The following SIGLEC10 variants were observed in gnomAD, a reference collection of about 807,000 sequenced individuals.
SIGLEC10 encodes the protein sialic acid-binding Ig-like lectin 10.
SIGLEC10 carries 45 observed loss-of-function variants against 68.3 expected under a neutral mutation model. The ratio of observed to expected loss-of-function variants is 0.66; its 90% confidence interval spans 0.52 to 0.84. The LOEUF is 0.84. Among genes scored for constraint, SIGLEC10 ranks in the 40% least tolerant of loss-of-function variants. The pLI, the probability that SIGLEC10 is intolerant of heterozygous loss-of-function variation, is 0.00. For missense variants in SIGLEC10, 789 were observed against 883.1 expected, an observed-to-expected ratio of 0.89 and a Z score of 1.35; for synonymous variants, 379 against 370.8, an observed-to-expected ratio of 1.02 and a Z score of -0.26.
At chr19:51,411,756 A>G in intron 10 of SIGLEC10, among the ~76,000 whole-genome samples, 1 of 150,760 alleles carries the variant, frequency 6.6e-6, no homozygotes, top group South Asian at 2.1e-4. Context: ...TGAGGCAGGA[A>G]AATCACTTGA....
At position 51,415,380 on chromosome 19, in the gene SIGLEC10, G is replaced by A. The variant is rs762283590; in HGVS notation, c.1131C>T (p.Cys377=). Residue 377 remains cysteine (C), a synonymous_variant, in exon 7 of 11, where the codon TGC becomes TGT. Coordinates refer to ENST00000339313, the MANE Select transcript of SIGLEC10 (RefSeq NM_033130.5). ...GGCTGCTGTGTGTGACACAGACCAG[G>A]CACAGGCTTTGGCCCTCCAGTACTG... is the stretch of plus-strand genomic sequence containing the variant. ...SLPVLEGQSL[C]LVCVTHSSPP... 3 of 1,611,564 alleles carry A rather than the reference G, an allele frequency of 1.9e-6. No homozygotes were observed. The highest frequency in any genetic ancestry group is 3.3e-5 in the Admixed American group (2 of 59,772).
At position 51,411,361 on chromosome 19, in the gene SIGLEC10, C is replaced by T. The variant is rs772709558; in HGVS notation, c.1832G>A (p.Arg611Gln). The change falls in exon 11 of 11, where the codon CGG becomes CAG. Residue 611 changes from arginine to glutamine, a missense_variant. Coordinates refer to ENST00000339313, the MANE Select transcript of SIGLEC10 (RefSeq NM_033130.5). The part of the protein sequence containing the change: ...VPTAGPLAQK[R>Q]NQKATPNSPR... ...ACTGTTTGGTGTGGCTTTCTGATTC[C>T]GCTTCTGAGCCTGAGGGAAGAACCA... is the stretch of plus-strand genomic sequence containing the variant. 5.6e-6 allele frequency: 9 copies of T among 1,613,632 alleles called. No individual in the cohort carries two copies. In the Admixed American group the frequency reaches 6.7e-5, roughly 12 times the overall value.
At position 51,414,573 on chromosome 19, in the gene SIGLEC10, G is replaced by A. The variant is rs1488802030; in HGVS notation, c.1616-58C>T. On this transcript the variant is annotated intron_variant, in intron 8 of 10. Transcript: ENST00000339313. This position sits in a 1 kb window ranked among gnomAD's most constrained non-coding sequence, Gnocchi z 4.1. ...CATCCACGCAGGGCTCACGAAGCCC[G>A]CTCATCACTCGGCATTAAGGCTTCC... 3.7e-5 allele frequency: 57 copies of A among 1,534,550 alleles called. No individual in the cohort carries two copies. Among genetic ancestry groups the A allele is most frequent in the Non-Finnish European group, 4.8e-5 (53 of 1,113,494 alleles).
At position 51,416,342 on chromosome 19, in the gene SIGLEC10, A is replaced by C; in HGVS notation, c.722T>G (p.Leu241Arg). 6.2e-7 allele frequency: 1 copy of C among 1,614,120 alleles called. No individual in the cohort carries two copies. Among genetic ancestry groups the C allele is most frequent in the Non-Finnish European group, 8.5e-7 (1 of 1,179,994 alleles). The change falls in exon 4 of 11, where the codon CTT becomes CGT. Residue 241 changes from leucine (L) to arginine (R), a missense_variant. Leu to Arg is a moderately radical substitution (Grantham distance 102). Transcript: ENST00000339313. ...RLRVAYAPRD[L>R]VISISRDNTP... ...GTTGTCACGTGAAATGCTGATAACA[A>C]GGTCTCTGGGGGCATCTGCAACAAG... is the stretch of plus-strand genomic sequence containing the variant.
rs1373580382 is a variant in SIGLEC10 at position 51,416,755 on chromosome 19, G to A, written c.617C>T (p.Pro206Leu). 6.2e-7 allele frequency: 1 copy of A among 1,614,202 alleles called. No homozygotes were observed. The highest frequency in any genetic ancestry group is 1.7e-5 in the Admixed American group (1 of 60,030). Residue 206 changes from proline to leucine, a missense_variant, in exon 3 of 11, where the codon CCC becomes CTC. Pro to Leu is a moderately conservative substitution (Grantham distance 98). Transcript: ENST00000339313. ...GGTGAGGTCGGTGTTGTGGTCCTGG[G>A]GTCTGGGCGTGAAGCTGAGCACTGA... ...HFSVLSFTPR[P>L]QDHNTDLTCH...
chr19:51,414,290 C>G lies in SIGLEC10; in HGVS notation c.1709+132G>C, dbSNP rs946760831. 42 of 717,316 alleles carry G rather than the reference C, an allele frequency of 5.9e-5. No homozygotes were observed. Among genetic ancestry groups the G allele is most frequent in the Non-Finnish European group, 9.5e-5 (40 of 422,940 alleles). 44.4% of individuals were successfully genotyped at this position (717,316 alleles called of 1,614,324 possible). A position where few individuals can be genotyped will look rare whatever the true frequency, so the allele number is the denominator to read the frequency against. ...GGACAACATTCTGCATTTATGAGAA[C>G]AGTTTGCTGTTTACTCATGTAACCT... On this transcript the variant is annotated intron_variant, in intron 9 of 10. Transcript: ENST00000339313. This position sits in a 1 kb window ranked among gnomAD's most constrained non-coding sequence, Gnocchi z 4.1.
chr19:51,415,883 G>A lies in SIGLEC10; in HGVS notation c.1024+15C>T. ...CCCTCCCAATGGACTCCAGGCCCCT[G>A]CTGGGCACACTCACACTGCACAGAG... On this transcript the variant is annotated intron_variant, in intron 5 of 10. Transcript: ENST00000339313. 1 of 1,612,422 alleles carries A rather than the reference G, an allele frequency of 6.2e-7. No individual in the cohort carries two copies. Among genetic ancestry groups the A allele is most frequent in the Non-Finnish European group, 8.5e-7 (1 of 1,179,960 alleles).
chr19:51,410,273 C>T lies in SIGLEC10; in HGVS notation c.*826G>A, dbSNP rs991993788. On this transcript the variant is annotated 3_prime_UTR_variant, in exon 11 of 11. Coordinates refer to ENST00000339313, the MANE Select transcript of SIGLEC10 (RefSeq NM_033130.5). The stretch of plus-strand genomic sequence containing the variant: ...AGTGAGGACGACCAGAGGTCACTCT[C>T]GTGGCCAACTTGGTTTTGGTGGGAT... 2.0e-5 allele frequency: 3 copies of T among 152,226 alleles called. No individual in the cohort carries two copies. The highest frequency in any genetic ancestry group is 2.9e-5 in the Non-Finnish European group (2 of 68,056). The allele number at this position is 152,226 out of a possible 1,614,324, so 9.4% of individuals were successfully genotyped here.
chr19:51,410,858 AG>A lies in SIGLEC10; in HGVS notation c.*240del. The A allele has an allele frequency of 2.4e-6, 1 of 409,684 alleles. No individual in the cohort carries two copies. The highest frequency in any genetic ancestry group is 4.4e-6 in the Non-Finnish European group (1 of 228,744). 25.4% of individuals were successfully genotyped at this position (409,684 alleles called of 1,614,324 possible). On this transcript the variant is annotated 3_prime_UTR_variant, in exon 11 of 11. Coordinates refer to ENST00000339313, the MANE Select transcript of SIGLEC10 (RefSeq NM_033130.5). ...GAGACGGGGTTTCACCAAGTTGGCC[AG>A]GCTGGTCTCGAACTCCCGACCTCAG...
At chr19:51,412,057 C>T (rs774450053) in intron 10 of SIGLEC10, among the ~76,000 whole-genome samples, 12 of 151,424 alleles carry the variant, frequency 7.9e-5, no homozygotes, top group Non-Finnish European at 1.3e-4. Context: ...GCAGATGAAT[C>T]GCTTGAACCA....
rs113293263 is a variant in SIGLEC10 at position 51,412,775 on chromosome 19, C to CTT, written c.1821+935_1821+936dup. ...ACAGGTGTGAGCCAGCAGGCGTGGC[C>CTT]TTTTTTTTTTTGAGACAGGGTCTCA... On this transcript the variant is annotated intron_variant, in intron 10 of 10. Coordinates refer to ENST00000339313, the MANE Select transcript of SIGLEC10 (RefSeq NM_033130.5). Among the ~76,000 whole-genome samples the CTT allele has an allele frequency of 3.6e-3, 511 of 141,280 alleles. 3 individuals carry two copies. The highest frequency in any genetic ancestry group is 0.013 in the African/African-American group (484 of 38,684). 92.7% of individuals were successfully genotyped at this position (141,280 alleles called of 152,430 possible). A position where few individuals can be genotyped will look rare whatever the true frequency, so the allele number is the denominator to read the frequency against.
In SIGLEC10 at chr19:51,415,178, C is replaced by G. The variant is rs371833231; in HGVS notation, c.1330+3G>C. On this transcript the variant is annotated splice_donor_region_variant and intron_variant, in intron 7 of 10. Coordinates refer to ENST00000339313, the MANE Select transcript of SIGLEC10 (RefSeq NM_033130.5). ...ACCCAGGTGTCCCCTTTCCCCCACT[C>G]ACAGTGCACGGAGAGGCTGAGAGAG... 1 of 1,598,556 alleles carries G rather than the reference C, an allele frequency of 6.3e-7. No individual in the cohort carries two copies. The highest frequency in any genetic ancestry group is 1.3e-5 in the African/African-American group (1 of 74,612).
chr19:51,411,290 T>C lies in SIGLEC10; in HGVS notation c.1903A>G (p.Lys635Glu). ...PPGAPSPESK[K>E]NQKKQYQLPS... ...AACTGATACTGCTTTTTCTGGTTCTTCTTTGATTCTGGGGAGGGAGCACCT... is the reference window on the plus strand; with the variant it reads ...AACTGATACTGCTTTTTCTGGTTCTCCTTTGATTCTGGGGAGGGAGCACCT... Residue 635 changes from lysine (K) to glutamate (E), a missense_variant, in exon 11 of 11, where the codon AAG becomes GAG. Coordinates refer to ENST00000339313, the MANE Select transcript of SIGLEC10 (RefSeq NM_033130.5). 6.2e-7 allele frequency: 1 copy of C among 1,614,194 alleles called. No homozygotes were observed.
Position 51,415,161 on chromosome 19 carries a change from G to A in SIGLEC10, c.1330+20C>T, listed in dbSNP as rs745980134. The A allele has an allele frequency of 3.8e-6, 6 of 1,586,754 alleles. No homozygotes were observed. Among genetic ancestry groups the A allele is most frequent in the Non-Finnish European group, 5.1e-6 (6 of 1,166,542 alleles). ...AGGGTCCCCTTCCTGGGACCCAGGT[G>A]TCCCCTTTCCCCCACTCACAGTGCA... On this transcript the variant is annotated intron_variant, in intron 7 of 10. Coordinates refer to ENST00000339313, the MANE Select transcript of SIGLEC10 (RefSeq NM_033130.5).
At position 51,414,868 on chromosome 19, in the gene SIGLEC10, C is replaced by T; in HGVS notation, c.1571G>A (p.Trp524Ter). The T allele has an allele frequency of 6.2e-7, 1 of 1,614,126 alleles. No individual in the cohort carries two copies. The highest frequency in any genetic ancestry group is 8.5e-7 in the Non-Finnish European group (1 of 1,180,022). Residue 524 changes from tryptophan (W) to a stop codon, truncating the protein, a stop_gained, in exon 8 of 11, where the codon TGG becomes TAG. Coordinates refer to ENST00000339313, the MANE Select transcript of SIGLEC10 (RefSeq NM_033130.5). LOFTEE classifies it high-confidence loss of function. This position sits in a 1 kb window ranked among gnomAD's most constrained non-coding sequence, Gnocchi z 4.1. The stretch of plus-strand genomic sequence containing the variant: ...TCCACTCTGGGCCCCATGGACGTTC[C>T]AGGCCTCACAGCGGAGCCTGAGGCC... ...SSGLRLRCEA[W>*]NVHGAQSGSI... is the part of the protein sequence containing the mutation.
intron 10 of SIGLEC10, 117 bp downstream of exon 10, chr19:51,413,595 C>A: frequency 1.1e-6 from 1 of 878,896 alleles, no homozygotes; most frequent in Admixed American, 2.2e-5. Flanking sequence ...GATTTGAATT[C>A]AGAACTATCG....
intron 4 of SIGLEC10, 61 bp from the exon 5 acceptor site, chr19:51,416,228 G>A (rs1988632016): frequency 1.2e-6 from 2 of 1,612,056 alleles, no homozygotes; most frequent in Non-Finnish European, 8.5e-7. Flanking sequence ...AAGGGGTACA[G>A]GGAGGAGCAC....
At chr19:51,416,398 T>G (rs1988659477) in intron 3 of SIGLEC10, 41 bp from the exon 4 acceptor site, 1 of 1,613,862 alleles carries the variant, frequency 6.2e-7, no homozygotes, top group African/African-American at 1.3e-5. Context: ...AGGGACAATT[T>G]ATTCCTCACA....
chr19:51,414,680 A>G lies in SIGLEC10; in HGVS notation c.1615+144T>C. ...GCCACACCCCGGCCCAGGTGTTAGG[A>G]CTTCCCATTGTGTTTTCCTGTCTAC... On this transcript the variant is annotated intron_variant, in intron 8 of 10. Transcript: ENST00000339313. This position sits in a 1 kb window ranked among gnomAD's most constrained non-coding sequence, Gnocchi z 4.1. 7.0e-7 allele frequency: 1 copy of G among 1,422,566 alleles called. No individual in the cohort carries two copies. The highest frequency in any genetic ancestry group is 9.8e-7 in the Non-Finnish European group (1 of 1,019,400). 88.1% of individuals were successfully genotyped at this position (1,422,566 alleles called of 1,614,324 possible). A position where few individuals can be genotyped will look rare whatever the true frequency, so the allele number is the denominator to read the frequency against.
Sources: allele counts gnomAD v4.1 joint callset (sites outside exome capture counted in the v4.1 genomes callset), GRCh38; gene constraint gnomAD v4.1.1; non-coding constraint Gnocchi (gnomAD v3.1); transcripts MANE v1.5; gene names NCBI Gene and HGNC (gene_info 2026-07-23, HGNC 2026-07-21).